TPH2: variants seen among roughly 807,000 people sequenced by gnomAD.
TPH2 encodes tryptophan 5-hydroxylase 2.
TPH2 carries 27 observed loss-of-function variants against 59.1 expected under a neutral mutation model. That is an observed-to-expected ratio of 0.46 (90% CI 0.34 to 0.63). TPH2 has a LOEUF of 0.63. Among genes scored for constraint, TPH2 ranks in the 30% least tolerant of loss-of-function variants. The pLI is 0.01. For missense variants in TPH2, 523 were observed against 588.3 expected (o/e 0.89, Z 1.15); for synonymous variants, 220 against 210.5 (o/e 1.05, Z -0.39).
At chr12:72,021,212 TTG>T (rs949392127) in intron 8 of TPH2, among the ~76,000 whole-genome samples, 1 of 152,272 alleles carries the variant, frequency 6.6e-6, no homozygotes, top group African/African-American at 2.4e-5. Flanking sequence ...TGTGAGTTTT[TTG>T]TTTTTCTTTT....
At chr12:71,958,026 G>A (rs771291083) in intron 5 of TPH2, among the ~76,000 whole-genome samples, 3 of 152,142 alleles carry the variant, frequency 2.0e-5, no homozygotes, top group Non-Finnish European at 4.4e-5. Flanking sequence ...ACCACACAAC[G>A]AGCCCTTGAG....
intron 1 of TPH2, among the ~76,000 whole-genome samples, chr12:71,940,375 T>G (rs1319059543): frequency 2.0e-5 from 3 of 152,142 alleles, no homozygotes; most frequent in South Asian, 2.1e-4. Flanking sequence ...AATCTCCATC[T>G]CTATTATATA....
intron 6 of TPH2, among the ~76,000 whole-genome samples, chr12:71,977,069 T>A (rs1261999775): frequency 6.6e-6 from 1 of 152,180 alleles, no homozygotes; most frequent in Non-Finnish European, 1.5e-5. Flanking sequence ...TATTATTTTT[T>A]AGATAAGAGT....
chr12:72,012,663 T>C (rs1480263526), intron 8 of TPH2, among the ~76,000 whole-genome samples: 1 of 152,218 alleles, frequency 6.6e-6, no homozygotes, highest in African/African-American at 2.4e-5. Flanking sequence ...GTCTTGGAGA[T>C]GGGAGTATCT....
At chr12:72,006,442 A>G (rs976751442) in intron 8 of TPH2, among the ~76,000 whole-genome samples, 1 of 152,066 alleles carries the variant, frequency 6.6e-6, no homozygotes, top group African/African-American at 2.4e-5. Flanking sequence ...CCTCAGGGGC[A>G]AGGGAGGATT....
In TPH2 at chr12:71,944,613, G is replaced by A. The variant is rs147469527; in HGVS notation, c.467G>A (p.Arg156Gln). The A allele has an allele frequency of 4.6e-5, 74 of 1,613,738 alleles. 1 individual carries two copies. Among genetic ancestry groups the A allele is most frequent in the African/African-American group, 2.3e-4 (17 of 74,884 alleles). Reference sequence around the variant, plus strand: ...CTAGAGGATGTGCCCTGGTTCCCTCGGAAGATCTCTGAGTTAGACAAATGC... The same window carrying A: ...CTAGAGGATGTGCCCTGGTTCCCTCAGAAGATCTCTGAGTTAGACAAATGC... ...EELEDVPWFP[R>Q]KISELDKCSH... Residue 156 changes from arginine (R) to glutamine (Q), a missense_variant, in exon 4 of 11, where the codon CGG becomes CAG. By Grantham distance (43) the Arg-to-Gln change is conservative (BLOSUM62 1). Coordinates refer to ENST00000333850, the MANE Select transcript of TPH2 (RefSeq NM_173353.4).
At chr12:72,006,777 G>T (rs1291344587) in intron 8 of TPH2, among the ~76,000 whole-genome samples, 4 of 152,100 alleles carry the variant, frequency 2.6e-5, no homozygotes, top group African/African-American at 9.7e-5. Flanking sequence ...CAGTAACTTT[G>T]CACAAGTTAC....
At chr12:71,968,598 G>C (rs1386491) in intron 5 of TPH2, among the ~76,000 whole-genome samples, 28,361 of 152,188 alleles carry the variant, frequency 0.19, 3,209 homozygotes, top group East Asian at 0.34. Context: ...GTAAGGGTCC[G>C]GTTGGGAAAG....
At chr12:71,973,257 A>T (rs1592393470) in intron 6 of TPH2, among the ~76,000 whole-genome samples, 1 of 152,180 alleles carries the variant, frequency 6.6e-6, no homozygotes, top group Non-Finnish European at 1.5e-5. Context: ...AAGTCACAGG[A>T]TGAGATAGGA....
chr12:71,972,702 C>T lies in TPH2; in HGVS notation c.792C>T (p.Ser264=). The T allele has an allele frequency of 6.2e-7, 1 of 1,613,904 alleles. No individual in the cohort carries two copies. Among genetic ancestry groups the T allele is most frequent in the Non-Finnish European group, 8.5e-7 (1 of 1,180,004 alleles). The change falls in exon 6 of 11, where the codon TCC becomes TCT. Residue 264 remains serine (S), a synonymous_variant. Coordinates refer to ENST00000333850, the MANE Select transcript of TPH2 (RefSeq NM_173353.4). ...ATGTGCCTCAACTCGAAGATGTCTC[C>T]ATGTTTCTGAAAGGTAAGATTTCAC... is the stretch of plus-strand genomic sequence containing the variant. ...EDNVPQLEDV[S]MFLKERSGFT...
rs117071084 is a variant in TPH2 at position 71,968,247 on chromosome 12, C to A, written c.609-4272C>A. ...AGAAATGTGCTCTGCCTCCCTTGGC[C>A]TTGTCAGTGACATACCATAGCTGGG... On this transcript the variant is annotated intron_variant, in intron 5 of 10. Transcript: ENST00000333850. 6.6e-5 allele frequency among the ~76,000 whole-genome samples: 10 copies of A among 152,328 alleles called. No individual in the cohort carries two copies. In the East Asian group the frequency reaches 1.7e-3, roughly 26 times the overall value.
At chr12:71,981,598 A>G (rs1872278840) in intron 7 of TPH2, among the ~76,000 whole-genome samples, 1 of 152,160 alleles carries the variant, frequency 6.6e-6, no homozygotes, top group Non-Finnish European at 1.5e-5. Context: ...CAGTGACTAC[A>G]ATAGGGGTGA....
chr12:71,982,015 A>ATTTTTTTCTTTTTTTT (rs1872293654), intron 7 of TPH2, among the ~76,000 whole-genome samples: 1 of 60,492 alleles, frequency 1.7e-5, no homozygotes, highest in Non-Finnish European at 3.4e-5. Context: ...TATCATTCGT[A>ATTTTTTTCTTTTTTTT]TTTTTTTTTT....
intron 7 of TPH2, among the ~76,000 whole-genome samples, chr12:71,981,862 A>G (rs1872286601): frequency 6.6e-6 from 1 of 151,850 alleles, no homozygotes; most frequent in African/African-American, 2.4e-5. Flanking sequence ...AATGTAAAGC[A>G]CCCACAATAG....
chr12:72,029,462 C>T (rs1873658025), intron 9 of TPH2, among the ~76,000 whole-genome samples: 1 of 152,100 alleles, frequency 6.6e-6, no homozygotes, highest in Admixed American at 6.6e-5. Flanking sequence ...TCATGGCAAG[C>T]CAACAGGAAG....
At chr12:72,001,204 A>G (rs1872812820) in intron 8 of TPH2, among the ~76,000 whole-genome samples, 2 of 152,174 alleles carry the variant, frequency 1.3e-5, no homozygotes, top group Admixed American at 6.5e-5. Context: ...TCAACCCTGA[A>G]TCATGTTTAC....
At chr12:72,020,677 G>T (rs147148308) in intron 8 of TPH2, among the ~76,000 whole-genome samples, 5,268 of 152,092 alleles carry the variant, frequency 0.035, 307 homozygotes, top group African/African-American at 0.12. Flanking sequence ...AGTAGAGATG[G>T]GGTTTCACCA....
chr12:72,016,526 A>G (rs897325554), intron 8 of TPH2, among the ~76,000 whole-genome samples: 14 of 152,102 alleles, frequency 9.2e-5, no homozygotes, highest in East Asian at 1.9e-4. Context: ...TTAGCCTATA[A>G]CTTTTTGTTA....
chr12:72,032,132 A>G lies in TPH2; in HGVS notation c.*437A>G, dbSNP rs1873740432. On this transcript the variant is annotated 3_prime_UTR_variant, in exon 11 of 11. Transcript: ENST00000333850. ...TCAGTGTTTTCACGCATTATTTGAGATAAACCCAGAATTGTAGGAAACTTC... is the reference window on the plus strand; with the variant it reads ...TCAGTGTTTTCACGCATTATTTGAGGTAAACCCAGAATTGTAGGAAACTTC... 1 of 193,622 alleles carries G rather than the reference A, an allele frequency of 5.2e-6. No homozygotes were observed. The allele number at this position is 193,622 out of a possible 1,614,324, so 12.0% of individuals were successfully genotyped here.
Sources: gnomAD v4.1 joint callset for allele counts (sites outside exome capture counted in the v4.1 genomes callset) on GRCh38, gnomAD v4.1.1 for gene constraint, MANE v1.5 for transcripts, NCBI Gene and HGNC (gene_info 2026-07-23, HGNC 2026-07-21) for gene names.